Variants in NTSR1 observed in about 807,000 individuals in gnomAD.
NTSR1 encodes neurotensin receptor type 1.
A neutral mutation model predicts 31.2 loss-of-function variants in NTSR1; 29 were observed. The ratio of observed to expected loss-of-function variants is 0.93; its 90% CI spans 0.69 to 1.27. NTSR1 has a LOEUF of 1.27. Ranked by LOEUF, NTSR1 falls within the 50% of genes most tolerant of loss-of-function variation. The pLI, the probability that NTSR1 is intolerant of heterozygous loss-of-function variation, is 0.00. For missense variants in NTSR1, 697 were observed against 595.4 expected (o/e 1.17, Z -1.78); for synonymous variants, 282 against 269.9 (o/e 1.04, Z -0.44).
rs948015881 is a variant in NTSR1 at position 62,760,191 on chromosome 20, C to G, written c.1181C>G (p.Ala394Gly). ...TGGCGGCGCAGGAGGAAGAGGCCAG[C>G]CTTCTCGAGGAAGGCCGACAGCGTG... is the stretch of plus-strand genomic sequence containing the variant. The part of the protein sequence containing the change: ...PVWRRRRKRP[A>G]FSRKADSVSS... The change falls in exon 4 of 4, where the codon GCC becomes GGC. Residue 394 changes from alanine to glycine, a missense_variant. By Grantham distance (60) the Ala-to-Gly change is moderately conservative. Coordinates refer to ENST00000370501, the MANE Select transcript of NTSR1 (RefSeq NM_002531.3). The G allele has an allele frequency of 1.2e-6, 2 of 1,613,980 alleles. No individual in the cohort carries two copies. Among genetic ancestry groups the G allele is most frequent in the South Asian group, 2.2e-5 (2 of 91,086 alleles).
intron 1 of NTSR1, among the ~76,000 whole-genome samples, chr20:62,737,050 T>G (rs112752996): frequency 0.028 from 4,277 of 152,344 alleles, 145 homozygotes; most frequent in African/African-American, 0.076. Context: ...GTGAGTCAAT[T>G]CAACCTCTTT....
At chr20:62,750,920 G>C (rs1989384110) in intron 1 of NTSR1, among the ~76,000 whole-genome samples, 1 of 152,176 alleles carries the variant, frequency 6.6e-6, no homozygotes, top group African/African-American at 2.4e-5. Context: ...CTGTTGCCCA[G>C]GCTGGAGTGC....
At position 62,742,963 on chromosome 20, in the gene NTSR1, C is replaced by T. The variant is rs896738694; in HGVS notation, c.715-11722C>T. ...ATACCCACAGCACAGGCAAGTGGAA[C>T]GTTCTCTGAGTTTAGCTTTGTTTGT... On this transcript the variant is annotated intron_variant, in intron 1 of 3. Transcript: ENST00000370501. The surrounding 1 kb of genome is among the most constrained non-coding windows in gnomAD (Gnocchi z 7.1). Among the ~76,000 whole-genome samples the T allele has an allele frequency of 4.0e-5, 6 of 149,552 alleles. No individual in the cohort carries two copies. Among genetic ancestry groups the T allele is most frequent in the Non-Finnish European group, 7.4e-5 (5 of 68,012 alleles).
Position 62,741,233 on chromosome 20 carries a change from G to A in NTSR1, c.715-13452G>A, listed in dbSNP as rs559127262. Among the ~76,000 whole-genome samples the A allele has an allele frequency of 2.6e-5, 4 of 152,352 alleles. No homozygotes were observed. The highest frequency in any genetic ancestry group is 7.2e-5 in the African/African-American group (3 of 41,580). On this transcript the variant is annotated intron_variant, in intron 1 of 3. Coordinates refer to ENST00000370501, the MANE Select transcript of NTSR1 (RefSeq NM_002531.3). The surrounding 1 kb of genome is among the most constrained non-coding windows in gnomAD (Gnocchi z 4.3). ...CGGCAGCCAGGCTGCTGCCAGTCCC[G>A]CAGCTCAGCCGGGCACAGACAGGAT...
At chr20:62,749,206 C>T (rs1307952401) in intron 1 of NTSR1, among the ~76,000 whole-genome samples, 1 of 152,156 alleles carries the variant, frequency 6.6e-6, no homozygotes, top group African/African-American at 2.4e-5. Context: ...CTTTGGGAGG[C>T]CGAGGTGGGC....
At position 62,709,012 on chromosome 20, in the gene NTSR1, G is replaced by GCGGAGAC. The variant is rs1555809481; in HGVS notation, c.-191_-190insACCGGAG. 1 of 462,176 alleles carries GCGGAGAC rather than the reference G, an allele frequency of 2.2e-6. No homozygotes were observed. Among genetic ancestry groups the GCGGAGAC allele is most frequent in the Non-Finnish European group, 3.7e-6 (1 of 268,206 alleles). The allele number at this position is 462,176 out of a possible 1,614,324, so 28.6% of individuals were successfully genotyped here. ...CCGGAAGCTGGGAGTCCGGAGGAGA[G>GCGGAGAC]CGGAGCCCGGAGCCCGGAGCCCGGG... On this transcript the variant is annotated 5_prime_UTR_variant, in exon 1 of 4. Transcript: ENST00000370501.
At position 62,715,512 on chromosome 20, in the gene NTSR1, C is replaced by T. The variant is rs576962280; in HGVS notation, c.714+5591C>T. 9.9e-5 allele frequency among the ~76,000 whole-genome samples: 15 copies of T among 152,282 alleles called. No homozygotes were observed. The East Asian group carries it at 2.3e-3, about 23-fold the overall frequency. On this transcript the variant is annotated intron_variant, in intron 1 of 3. Transcript: ENST00000370501. This position sits in a 1 kb window ranked among gnomAD's most constrained non-coding sequence, Gnocchi z 4.7. ...TGAGTGAGATGGGCAAGGGTGGGAA[C>T]GTGAGGGGCCCAGAGCTGGCCATGG...
rs1213238519 is a variant in NTSR1, at chr20:62,732,551, T to C, written c.715-22134T>C. 6.6e-6 allele frequency: 1 copy of C among 152,192 alleles called. No homozygotes were observed. The highest frequency in any genetic ancestry group is 1.5e-5 in the Non-Finnish European group (1 of 68,038). 9.4% of individuals were successfully genotyped at this position (152,192 alleles called of 1,614,324 possible). ...TCGCTGCTATTTGTGTAATTCTTAG[T>C]ATGTGGTGCTGGTTGGGAAATCCTG... On this transcript the variant is annotated intron_variant, in intron 1 of 3. Transcript: ENST00000370501. This position sits in a 1 kb window ranked among gnomAD's most constrained non-coding sequence, Gnocchi z 4.0.
chr20:62,738,064 G>GCC (rs1325678427), intron 1 of NTSR1, among the ~76,000 whole-genome samples: 1 of 152,188 alleles, frequency 6.6e-6, no homozygotes, highest in African/African-American at 2.4e-5. Flanking sequence ...GCCCACGTCT[G>GCC]CCCCCCTCCC....
intron 3 of NTSR1, among the ~76,000 whole-genome samples, chr20:62,759,161 G>C (rs1300940619): frequency 2.6e-5 from 4 of 152,234 alleles, no homozygotes; most frequent in African/African-American, 9.6e-5. Flanking sequence ...CCACCAGGGA[G>C]GGCGCACCTA....
chr20:62,752,632 C>T (rs1352416802), intron 1 of NTSR1, among the ~76,000 whole-genome samples: 1 of 152,236 alleles, frequency 6.6e-6, no homozygotes, highest in Admixed American at 6.5e-5. Context: ...GCTATTTTTG[C>T]AGCCAGCCGT....
intron 1 of NTSR1, among the ~76,000 whole-genome samples, chr20:62,729,458 CAG>C (rs752446200): frequency 2.0e-5 from 3 of 152,076 alleles, no homozygotes; most frequent in Non-Finnish European, 4.4e-5. Flanking sequence ...GGTGGGCCCT[CAG>C]GGGAGGAGAG....
chr20:62,739,961 C>T (rs1157022634), intron 1 of NTSR1, among the ~76,000 whole-genome samples: 1 of 152,224 alleles, frequency 6.6e-6, no homozygotes, highest in Non-Finnish European at 1.5e-5. Context: ...GGACTGCTGG[C>T]CCCTGGCCGC....
chr20:62,746,144 C>T lies in NTSR1; in HGVS notation c.715-8541C>T, dbSNP rs567655298. On this transcript the variant is annotated intron_variant, in intron 1 of 3. Coordinates refer to ENST00000370501, the MANE Select transcript of NTSR1 (RefSeq NM_002531.3). The stretch of plus-strand genomic sequence containing the variant: ...GGGGAAGGTCAAGGCTGCCGCCCGG[C>T]GGGTCACCACCAGGCCCCCACACTA... Among the ~76,000 whole-genome samples, 96 of 152,186 alleles carry T rather than the reference C, an allele frequency of 6.3e-4. 1 individual carries two copies. The highest frequency in any genetic ancestry group is 2.0e-3 in the African/African-American group (85 of 41,532).
intron 2 of NTSR1, among the ~76,000 whole-genome samples, chr20:62,756,052 G>A (rs2249938): frequency 0.77 from 115,996 of 151,092 alleles, 46,123 homozygotes; most frequent in Non-Finnish European, 0.87. Context: ...CCTGGGTCTC[G>A]CCTATTCTTG....
At chr20:62,757,347 T>A (rs1436682318) in intron 2 of NTSR1, among the ~76,000 whole-genome samples, 1 of 152,256 alleles carries the variant, frequency 6.6e-6, no homozygotes, top group Non-Finnish European at 1.5e-5. Flanking sequence ...CTGAATGGTC[T>A]TGGTGAAGAT....
chr20:62,747,804 C>G (rs1486964082), intron 1 of NTSR1, among the ~76,000 whole-genome samples: 1 of 152,152 alleles, frequency 6.6e-6, no homozygotes, highest in East Asian at 1.9e-4. Flanking sequence ...TAAACACATT[C>G]AATAAAGTTG....
chr20:62,709,790 G>C lies in NTSR1; in HGVS notation c.583G>C (p.Ala195Pro), dbSNP rs1160747191. The C allele has an allele frequency of 6.2e-7, 1 of 1,612,944 alleles. No homozygotes were observed. The highest frequency in any genetic ancestry group is 8.5e-7 in the Non-Finnish European group (1 of 1,179,908). Residue 195 changes from alanine (A) to proline (P), a missense_variant, in exon 1 of 4, where the codon GCC (alanine) becomes CCC (proline). Transcript: ENST00000370501. ...GAAGTTCATCAGCGCCATCTGGCTC[G>C]CCTCGGCCCTGCTGGCGGTGCCTAT... The part of the protein sequence containing the change: ...TKKFISAIWL[A>P]SALLAVPMLF...
chr20:62,713,481 G>C (rs1988656343), intron 1 of NTSR1, among the ~76,000 whole-genome samples: 1 of 152,224 alleles, frequency 6.6e-6, no homozygotes, highest in Non-Finnish European at 1.5e-5. Context: ...AGACAGGGAA[G>C]GAGACAGGTT....
Sources: allele counts gnomAD v4.1 joint callset (sites outside exome capture counted in the v4.1 genomes callset), GRCh38; gene constraint gnomAD v4.1.1; non-coding constraint Gnocchi (gnomAD v3.1); transcripts MANE v1.5; gene names NCBI Gene and HGNC (gene_info 2026-07-23, HGNC 2026-07-21).